The following CIT variants were observed in gnomAD, a reference collection of about 807,000 sequenced individuals.
CIT encodes the protein citron Rho-interacting kinase.
CIT carries 79 observed loss-of-function variants against 272.7 expected under a neutral mutation model. That is an observed-to-expected ratio of 0.29 (90% CI 0.24 to 0.35). CIT has a LOEUF of 0.35. Ranked by LOEUF, CIT falls within the 10% of genes least tolerant of loss-of-function variation. CIT has a pLI of 1.00. For synonymous variants in CIT, 948 were observed against 995.6 expected, an observed-to-expected ratio of 0.95 and a Z score of 0.90; for missense variants, 1,909 against 2,618.3, an observed-to-expected ratio of 0.73 and a Z score of 5.91.
At position 119,857,757 on chromosome 12, in the gene CIT, T is replaced by C. The variant is rs971916271; in HGVS notation, c.239-59A>G. 4.1e-6 allele frequency: 6 copies of C among 1,463,440 alleles called. No homozygotes were observed. In the African/African-American group the frequency reaches 7.1e-5, roughly 17 times the overall value. The allele number at this position is 1,463,440 out of a possible 1,614,324, so 90.7% of individuals were successfully genotyped here. ...TAAAGCATGCAAATATATGCATCTT[T>C]ATGAAAGAAAAAAAAAAAAGAAAAT... On this transcript the variant is annotated intron_variant, in intron 3 of 47. Transcript: ENST00000392521.
intron 9 of CIT, among the ~76,000 whole-genome samples, chr12:119,815,561 C>A (rs1178389736): frequency 6.6e-6 from 1 of 152,016 alleles, no homozygotes; most frequent in Non-Finnish European, 1.5e-5. Flanking sequence ...ACAAAATTAG[C>A]CAAGCATAGT....
chr12:119,861,214 G>A (rs1185003398), intron 3 of CIT, among the ~76,000 whole-genome samples: 3 of 152,080 alleles, frequency 2.0e-5, no homozygotes, highest in Non-Finnish European at 1.5e-5. Context: ...TGCACTTTTA[G>A]CTGCAGTATC....
At chr12:119,705,887 C>T (rs1006806988) in intron 40 of CIT, among the ~76,000 whole-genome samples, 7 of 150,454 alleles carry the variant, frequency 4.7e-5, no homozygotes, top group South Asian at 4.2e-4. Flanking sequence ...GCCAGGAGTT[C>T]GAGACTAGCC....
chr12:119,775,388 C>T (rs533666558), intron 16 of CIT, among the ~76,000 whole-genome samples: 2 of 152,346 alleles, frequency 1.3e-5, no homozygotes, highest in East Asian at 3.9e-4. Flanking sequence ...CGTGACAACC[C>T]CATGGCTCCT....
At chr12:119,749,349 G>C (rs1027371816) in intron 23 of CIT, among the ~76,000 whole-genome samples, 1 of 152,238 alleles carries the variant, frequency 6.6e-6, no homozygotes, top group African/African-American at 2.4e-5. Context: ...ACTGATGCTT[G>C]TGCAGGGTCT....
Position 119,713,179 on chromosome 12 carries a change from C to A in CIT, c.4579+24G>T. ...ACCTGGGTTAGCCACGTGCAATGAC[C>A]TTCCCCCTGAATTATTAATTTACCT... On this transcript the variant is annotated intron_variant, in intron 35 of 47. Transcript: ENST00000392521. This position sits in a 1 kb window ranked among gnomAD's most constrained non-coding sequence, Gnocchi z 5.2. The A allele has an allele frequency of 1.3e-6, 2 of 1,594,510 alleles. No individual in the cohort carries two copies. The highest frequency in any genetic ancestry group is 2.2e-5 in the South Asian group (2 of 90,284).
At chr12:119,815,945 CAAAG>C in intron 9 of CIT, among the ~76,000 whole-genome samples, 1 of 152,178 alleles carries the variant, frequency 6.6e-6, no homozygotes, top group East Asian at 1.9e-4. Context: ...TTCAAAAAAA[CAAAG>C]GCAAAGAGAA....
Position 119,720,520 on chromosome 12 carries a change from A to G in CIT, c.3798T>C (p.Asp1266=), listed in dbSNP as rs1366242118. The change falls in exon 30 of 48, where the codon GAT becomes GAC. Residue 1266 remains aspartate, a synonymous_variant. Transcript: ENST00000392521. ...GTISQQTKLI[D]FLQAKMDQPA... ...GTTGGTCCATTTTGGCTTGCAGAAA[A>G]TCAATGAGTTTGGTTTGTTGAGAAA... 1 of 1,610,986 alleles carries G rather than the reference A, an allele frequency of 6.2e-7. No homozygotes were observed. Among genetic ancestry groups the G allele is most frequent in the Non-Finnish European group, 8.5e-7 (1 of 1,179,382 alleles).
Position 119,806,099 on chromosome 12 carries a change from T to C in CIT, c.1112-2710A>G, listed in dbSNP as rs1297216010. ...TTGCAGTGAGCCAAGATCGTGCCACTGCACTCCAGCCTGGGGAACAAGAGC... is the reference window on the plus strand; with the variant it reads ...TTGCAGTGAGCCAAGATCGTGCCACCGCACTCCAGCCTGGGGAACAAGAGC... On this transcript the variant is annotated intron_variant, in intron 9 of 47. Coordinates refer to ENST00000392521, the MANE Select transcript of CIT (RefSeq NM_001206999.2). Among the ~76,000 whole-genome samples, 10 of 123,602 alleles carry C rather than the reference T, an allele frequency of 8.1e-5. 1 individual carries two copies. Among genetic ancestry groups the C allele is most frequent in the Admixed American group, 6.7e-4 (6 of 8,892 alleles). 81.1% of individuals were successfully genotyped at this position (123,602 alleles called of 152,430 possible).
chr12:119,823,209 G>A (rs1289764918), intron 8 of CIT, among the ~76,000 whole-genome samples: 3 of 152,002 alleles, frequency 2.0e-5, no homozygotes, highest in Non-Finnish European at 2.9e-5. Context: ...GCTTGACCCC[G>A]GCTCCCCTTC....
At chr12:119,733,506 C>G (rs1958583505) in intron 26 of CIT, among the ~76,000 whole-genome samples, 1 of 149,794 alleles carries the variant, frequency 6.7e-6, no homozygotes. Context: ...TGCACTCCAG[C>G]CTGGGTGACA....
intron 28 of CIT, among the ~76,000 whole-genome samples, chr12:119,726,073 C>A (rs942925335): frequency 6.6e-6 from 1 of 150,826 alleles, no homozygotes; most frequent in African/African-American, 2.5e-5. Context: ...TTTACAGAGG[C>A]AAAATACACG....
intron 3 of CIT, among the ~76,000 whole-genome samples, chr12:119,860,322 G>T (rs551959656): frequency 6.6e-6 from 1 of 152,208 alleles, no homozygotes; most frequent in African/African-American, 2.4e-5. Flanking sequence ...GGATCCACAT[G>T]AAGTCGTGAC....
In CIT at chr12:119,690,533, C is replaced by A. The variant is rs559593503; in HGVS notation, c.5883-79G>T. Reference sequence around the variant, plus strand: ...ATTTTCCTTCTTACCTGAGCAACCCCCTCCTTGACCCAGCCTCACCACTGA... The same window carrying A: ...ATTTTCCTTCTTACCTGAGCAACCCACTCCTTGACCCAGCCTCACCACTGA... On this transcript the variant is annotated intron_variant, in intron 46 of 47. Coordinates refer to ENST00000392521, the MANE Select transcript of CIT (RefSeq NM_001206999.2). The surrounding 1 kb of genome is among the most constrained non-coding windows in gnomAD (Gnocchi z 6.0). 1.5e-5 allele frequency: 20 copies of A among 1,316,430 alleles called. No homozygotes were observed. The highest frequency in any genetic ancestry group is 5.8e-5 in the Admixed American group (2 of 34,322). The allele number at this position is 1,316,430 out of a possible 1,614,324, so 81.5% of individuals were successfully genotyped here. A position where few individuals can be genotyped will look rare whatever the true frequency, so the allele number is the denominator to read the frequency against.
intron 28 of CIT, among the ~76,000 whole-genome samples, chr12:119,722,437 G>A (rs760141984): frequency 2.0e-5 from 3 of 152,124 alleles, no homozygotes; most frequent in Non-Finnish European, 4.4e-5. Flanking sequence ...CAGGCCCAGA[G>A]CCACTGATAA....
chr12:119,711,168 C>T (rs1194390880), intron 37 of CIT: 25 of 1,217,352 alleles, frequency 2.1e-5, no homozygotes, highest in Non-Finnish European at 2.8e-5. Flanking sequence ...CCAAACAGGT[C>T]TAACCACTGA....
At chr12:119,779,566 G>C (rs1266827769) in intron 13 of CIT, among the ~76,000 whole-genome samples, 1 of 152,162 alleles carries the variant, frequency 6.6e-6, no homozygotes, top group Non-Finnish European at 1.5e-5. Context: ...GCCAGTCCTG[G>C]CTACAGGCAT....
In CIT at chr12:119,819,801, C is replaced by T. The variant is rs181893812; in HGVS notation, c.1111+3019G>A. Among the ~76,000 whole-genome samples, 109 of 152,294 alleles carry T rather than the reference C, an allele frequency of 7.2e-4. 1 individual carries two copies. The East Asian group carries it at 0.013, about 18-fold the overall frequency. On this transcript the variant is annotated intron_variant, in intron 9 of 47. Transcript: ENST00000392521. ...CTAGATAAAAGCATAATTTATGTTA[C>T]AGTTACCTAGTTAGAAAATAGCTTA...
intron 3 of CIT, among the ~76,000 whole-genome samples, chr12:119,864,858 C>G (rs564672377): frequency 6.6e-6 from 1 of 151,458 alleles, no homozygotes; most frequent in African/African-American, 2.4e-5. Flanking sequence ...GTTCCCTTCC[C>G]TTCCCTCCCT....
Sources: gnomAD v4.1 joint callset for allele counts (sites outside exome capture counted in the v4.1 genomes callset) on GRCh38, gnomAD v4.1.1 for gene constraint, Gnocchi (gnomAD v3.1) non-coding constraint, MANE v1.5 for transcripts, NCBI Gene and HGNC (gene_info 2026-07-23, HGNC 2026-07-21) for gene names.